PEBP4: variants seen among roughly 807,000 people sequenced by gnomAD.
PEBP4 encodes the protein phosphatidylethanolamine-binding protein 4.
Under a neutral mutation model 23.9 loss-of-function variants are expected in PEBP4, and 22 were observed. The observed-to-expected ratio is 0.92, with a 90% CI of 0.66 to 1.31. The LOEUF (loss-of-function observed/expected upper bound fraction) is 1.31. Ranked by LOEUF, PEBP4 falls within the 40% of genes most tolerant of loss-of-function variation. The pLI, the probability that PEBP4 is intolerant of heterozygous loss-of-function variation, is 0.00. For synonymous variants in PEBP4, 112 were observed against 99.3 expected (o/e 1.13, Z -0.76); for missense variants, 324 against 281.7 (o/e 1.15, Z -1.07).
intron 4 of PEBP4, among the ~76,000 whole-genome samples, chr8:22,760,408 C>T (rs904819858): frequency 2.0e-5 from 3 of 152,160 alleles, no homozygotes; most frequent in African/African-American, 7.2e-5. Context: ...AAGCAGAGAC[C>T]ATGACTTATT....
At chr8:22,829,044 C>T (rs1264398220) in intron 3 of PEBP4, among the ~76,000 whole-genome samples, 1 of 152,200 alleles carries the variant, frequency 6.6e-6, no homozygotes, top group Non-Finnish European at 1.5e-5. Flanking sequence ...ACTGGTAACT[C>T]CTTTCTCAAA....
intron 3 of PEBP4, among the ~76,000 whole-genome samples, chr8:22,840,333 G>T (rs879522364): frequency 6.6e-6 from 1 of 151,936 alleles, no homozygotes; most frequent in Non-Finnish European, 1.5e-5. Flanking sequence ...GGATGAAAAT[G>T]TGACCCTATT....
chr8:22,893,179 A>G (rs1334558710), intron 3 of PEBP4, among the ~76,000 whole-genome samples: 2 of 152,218 alleles, frequency 1.3e-5, no homozygotes, highest in African/African-American at 2.4e-5. Flanking sequence ...TAAAAATGCC[A>G]CAGAATTCCT....
At chr8:22,905,899 A>G (rs1808801586) in intron 3 of PEBP4, among the ~76,000 whole-genome samples, 1 of 152,194 alleles carries the variant, frequency 6.6e-6, no homozygotes, top group Non-Finnish European at 1.5e-5. Flanking sequence ...GGGGCGGTGG[A>G]GGATGGGAGC....
intron 2 of PEBP4, among the ~76,000 whole-genome samples, chr8:22,924,410 T>C (rs527237639): frequency 1.3e-5 from 2 of 151,410 alleles, no homozygotes; most frequent in East Asian, 1.9e-4. Context: ...CTGAGAGAGG[T>C]TGAAGGACTG....
At chr8:22,771,513 G>A (rs570902024) in intron 4 of PEBP4, among the ~76,000 whole-genome samples, 5 of 152,034 alleles carry the variant, frequency 3.3e-5, no homozygotes, top group Non-Finnish European at 7.4e-5. Flanking sequence ...AAGAAAATTT[G>A]TATAGATTAT....
At chr8:22,803,615 G>C (rs959513997) in intron 4 of PEBP4, among the ~76,000 whole-genome samples, 1 of 152,056 alleles carries the variant, frequency 6.6e-6, no homozygotes, top group Non-Finnish European at 1.5e-5. Flanking sequence ...AGTGAGCTGA[G>C]ATGGCAACAC....
At chr8:22,783,432 C>T (rs1233461792) in intron 4 of PEBP4, among the ~76,000 whole-genome samples, 1 of 152,192 alleles carries the variant, frequency 6.6e-6, no homozygotes, top group Non-Finnish European at 1.5e-5. Context: ...CTGGAACTGC[C>T]CTGTAGGGGT....
intron 3 of PEBP4, among the ~76,000 whole-genome samples, chr8:22,842,597 G>T (rs1229070491): frequency 2.6e-5 from 4 of 152,176 alleles, no homozygotes; most frequent in South Asian, 4.1e-4. Context: ...CTCTTGCGAT[G>T]AAATGGAAGG....
chr8:22,917,636 G>A (rs1186859725), intron 3 of PEBP4, among the ~76,000 whole-genome samples: 2 of 151,516 alleles, frequency 1.3e-5, no homozygotes, highest in Admixed American at 6.6e-5. Context: ...GACCTGCCTT[G>A]CATTTCCTAC....
intron 3 of PEBP4, among the ~76,000 whole-genome samples, chr8:22,910,518 T>C (rs910716402): frequency 6.6e-6 from 1 of 152,158 alleles, no homozygotes; most frequent in Non-Finnish European, 1.5e-5. Context: ...CAGTTCTCCA[T>C]CCACCTGGAA....
intron 4 of PEBP4, among the ~76,000 whole-genome samples, chr8:22,738,632 T>TCA (rs1158708832): frequency 2.6e-5 from 4 of 151,672 alleles, no homozygotes; most frequent in Non-Finnish European, 4.4e-5. Flanking sequence ...AGAGCACAAG[T>TCA]CACACACACA....
chr8:22,836,710 C>T (rs1450414123), intron 3 of PEBP4, among the ~76,000 whole-genome samples: 4 of 152,178 alleles, frequency 2.6e-5, no homozygotes, highest in Non-Finnish European at 4.4e-5. Flanking sequence ...TGCTGTGCTG[C>T]GTACCCCGGG....
intron 3 of PEBP4, among the ~76,000 whole-genome samples, chr8:22,836,245 G>A (rs997941319): frequency 6.6e-6 from 1 of 152,210 alleles, no homozygotes; most frequent in African/African-American, 2.4e-5. Flanking sequence ...CCTGGCATAT[G>A]TGAAGCGATC....
intron 6 of PEBP4, among the ~76,000 whole-genome samples, chr8:22,716,513 C>T (rs942907639): frequency 2.0e-5 from 3 of 152,192 alleles, no homozygotes; most frequent in Non-Finnish European, 4.4e-5. Flanking sequence ...GGCTCCTCCT[C>T]GGAGCTTTAG....
chr8:22,765,148 C>T (rs1434389168), intron 4 of PEBP4, among the ~76,000 whole-genome samples: 1 of 149,340 alleles, frequency 6.7e-6, no homozygotes, highest in Non-Finnish European at 1.5e-5. Context: ...TTCCTTCCTT[C>T]CTTTCTTTCT....
intron 3 of PEBP4, among the ~76,000 whole-genome samples, chr8:22,833,250 G>A (rs1193812586): frequency 2.0e-5 from 3 of 152,158 alleles, no homozygotes; most frequent in Non-Finnish European, 4.4e-5. Context: ...TTAAAACAGG[G>A]CCCTTGACTC....
intron 3 of PEBP4, among the ~76,000 whole-genome samples, chr8:22,881,033 G>A (rs1474295582): frequency 6.6e-6 from 1 of 152,224 alleles, no homozygotes; most frequent in Non-Finnish European, 1.5e-5. Context: ...AGATCCTCTG[G>A]ATTTAGTTTG....
At chr8:22,721,871 T>C (rs2128748258) in intron 6 of PEBP4, among the ~76,000 whole-genome samples, 1 of 152,236 alleles carries the variant, frequency 6.6e-6, no homozygotes, top group African/African-American at 2.4e-5. Context: ...ACCGTCCAGG[T>C]GCTTCAGAGA....
Sources: allele counts gnomAD v4.1 joint callset (sites outside exome capture counted in the v4.1 genomes callset), GRCh38; gene constraint gnomAD v4.1.1; transcripts MANE v1.5; gene names NCBI Gene and HGNC (gene_info 2026-07-23, HGNC 2026-07-21).